The following CDC73 variants were observed in gnomAD, a reference collection of about 807,000 sequenced individuals.
CDC73 encodes cell division cycle 73, also known as parafibromin.
Under a neutral mutation model 83.7 loss-of-function variants are expected in CDC73, and 21 were observed. The ratio of observed to expected loss-of-function variants is 0.25; its 90% confidence interval spans 0.18 to 0.36. The LOEUF is 0.36. Ranked by LOEUF, CDC73 falls within the 10% of genes least tolerant of loss-of-function variation. The pLI is 1.00. For missense variants in CDC73, 342 were observed against 653.3 expected, an observed-to-expected ratio of 0.52 and a Z score of 5.19; for synonymous variants, 224 against 212.9, an observed-to-expected ratio of 1.05 and a Z score of -0.45.
chr1:193,227,489 A>G (rs1218004179), intron 13 of CDC73, among the ~76,000 whole-genome samples: 1 of 152,150 alleles, frequency 6.6e-6, no homozygotes, highest in African/African-American at 2.4e-5. Context: ...AAAAGAAAGA[A>G]AAGTTACAAG....
At chr1:193,193,208 AAGG>A (rs1676947428) in intron 10 of CDC73, among the ~76,000 whole-genome samples, 1 of 152,196 alleles carries the variant, frequency 6.6e-6, no homozygotes, top group East Asian at 1.9e-4. Context: ...TAGGCTGTAT[AAGG>A]GGTTTGCTAA....
chr1:193,227,101 T>C (rs1677578442), intron 13 of CDC73, among the ~76,000 whole-genome samples: 1 of 152,194 alleles, frequency 6.6e-6, no homozygotes, highest in Admixed American at 6.5e-5. Context: ...AGTTTTTGCA[T>C]GTAAAGTTGT....
At chr1:193,237,398 T>C (rs1429502721) in intron 15 of CDC73, among the ~76,000 whole-genome samples, 1 of 152,144 alleles carries the variant, frequency 6.6e-6, no homozygotes, top group African/African-American at 2.4e-5. Context: ...AGAAAAAAGA[T>C]GCAAACCTTC....
intron 15 of CDC73, among the ~76,000 whole-genome samples, chr1:193,242,687 C>T (rs1358674598): frequency 1.3e-5 from 2 of 151,990 alleles, no homozygotes; most frequent in African/African-American, 4.8e-5. Flanking sequence ...TTGCTAGCTA[C>T]CATTGAAAAA....
chr1:193,246,779 A>T (rs1490937227), intron 15 of CDC73, among the ~76,000 whole-genome samples: 1 of 152,186 alleles, frequency 6.6e-6, no homozygotes, highest in Non-Finnish European at 1.5e-5. Flanking sequence ...GTGATTGTCC[A>T]TGTCACTTAA....
At chr1:193,193,236 A>G (rs1383964790) in intron 10 of CDC73, among the ~76,000 whole-genome samples, 2 of 152,232 alleles carry the variant, frequency 1.3e-5, no homozygotes, top group Non-Finnish European at 2.9e-5. Flanking sequence ...TGGCAAATAC[A>G]TTAAGCATTT....
At chr1:193,135,194 G>A (rs1036654845) in intron 3 of CDC73, among the ~76,000 whole-genome samples, 197 bp from the exon 4 acceptor site, 5 of 152,052 alleles carry the variant, frequency 3.3e-5, no homozygotes, top group African/African-American at 1.2e-4. Context: ...AAAATAGTTT[G>A]TCCTCTTAGA....
At chr1:193,185,156 AT>A (rs764166749) in intron 10 of CDC73, among the ~76,000 whole-genome samples, 27 of 152,202 alleles carry the variant, frequency 1.8e-4, no homozygotes, top group Non-Finnish European at 4.0e-4. Flanking sequence ...ATTTGTGGAT[AT>A]TTTTGTATCA....
chr1:193,173,537 C>T (rs1302160120), intron 10 of CDC73, among the ~76,000 whole-genome samples: 1 of 152,158 alleles, frequency 6.6e-6, no homozygotes, highest in African/African-American at 2.4e-5. Context: ...GTTCATTTTA[C>T]AGTTTCGATT....
intron 14 of CDC73, 130 bp from the exon 15 acceptor site, chr1:193,236,126 G>C: frequency 1.3e-6 from 1 of 763,638 alleles, no homozygotes; most frequent in Admixed American, 1.7e-5. Context: ...CTTCATGGAA[G>C]GATTGATAAG....
At chr1:193,224,544 A>T (rs1158836575) in intron 13 of CDC73, among the ~76,000 whole-genome samples, 1 of 152,014 alleles carries the variant, frequency 6.6e-6, no homozygotes, top group Admixed American at 6.6e-5. Flanking sequence ...GCATTCACAT[A>T]TACACATGTG....
At position 193,122,255 on chromosome 1, in the gene CDC73, G is replaced by A. The variant is rs1060500013; in HGVS notation, c.55G>A (p.Val19Met). Residue 19 changes from valine to methionine, a missense_variant, in exon 1 of 17, where the codon GTG (valine) becomes ATG (methionine). By Grantham distance (21) the Val-to-Met change is conservative. Around this residue, in one of 3 missense-constraint regions of CDC73, gnomAD observed 99 missense variants for 174.5 expected, o/e 0.57. Transcript: ENST00000367435. ...RQYNIQKKEI[V>M]VKGDEVIFGE... Reference sequence around the variant, plus strand: ...GTACAACATCCAGAAGAAGGAGATTGTGGTGAAGGGAGACGAAGTGATCTT... The same window carrying A: ...GTACAACATCCAGAAGAAGGAGATTATGGTGAAGGGAGACGAAGTGATCTT... 1 of 1,614,180 alleles carries A rather than the reference G, an allele frequency of 6.2e-7. No homozygotes were observed. The highest frequency in any genetic ancestry group is 2.2e-5 in the East Asian group (1 of 44,868).
At chr1:193,183,901 A>C (rs1033932089) in intron 10 of CDC73, among the ~76,000 whole-genome samples, 9 of 147,726 alleles carry the variant, frequency 6.1e-5, no homozygotes, top group African/African-American at 2.4e-4. Context: ...AGTAAACAAT[A>C]AGGTCAGATG....
chr1:193,249,496 A>G (rs1382449009), intron 15 of CDC73, among the ~76,000 whole-genome samples: 1 of 151,982 alleles, frequency 6.6e-6, no homozygotes, highest in Non-Finnish European at 1.5e-5. Flanking sequence ...GTGATAACGT[A>G]CCAACCTTAT....
intron 10 of CDC73, among the ~76,000 whole-genome samples, chr1:193,160,646 T>C (rs923817949): frequency 4.6e-5 from 7 of 152,254 alleles, no homozygotes; most frequent in South Asian, 2.1e-4. Context: ...TTTATAACTT[T>C]TAATTTCCTA....
At chr1:193,175,710 G>A (rs1178546521) in intron 10 of CDC73, among the ~76,000 whole-genome samples, 1 of 152,126 alleles carries the variant, frequency 6.6e-6, no homozygotes, top group Admixed American at 6.5e-5. Context: ...GTATGCAGGA[G>A]GATGTGCATA....
At chr1:193,138,883 TC>T (rs753824123) in intron 6 of CDC73, among the ~76,000 whole-genome samples, 1 of 151,458 alleles carries the variant, frequency 6.6e-6, no homozygotes, top group Non-Finnish European at 1.5e-5. Context: ...CAAGCGATTC[TC>T]CTGCCTCAGC....
chr1:193,137,247 A>G (rs577930227), intron 5 of CDC73, among the ~76,000 whole-genome samples: 17 of 152,316 alleles, frequency 1.1e-4, no homozygotes, highest in African/African-American at 3.8e-4. Flanking sequence ...ATATTTTTGC[A>G]TTTATTTCAG....
intron 3 of CDC73, among the ~76,000 whole-genome samples, chr1:193,131,213 C>G (rs939332421): frequency 8.5e-5 from 13 of 152,186 alleles, no homozygotes; most frequent in African/African-American, 3.1e-4. Context: ...CTTCTGCCCT[C>G]ACACAGAACA....
Sources: allele counts gnomAD v4.1 joint callset (sites outside exome capture counted in the v4.1 genomes callset), GRCh38; gene constraint gnomAD v4.1.1; regional missense constraint gnomAD v4.1.1; transcripts MANE v1.5; gene names NCBI Gene and HGNC (gene_info 2026-07-23, HGNC 2026-07-21).